The following RPRD1A variants were observed in gnomAD, a reference collection of about 807,000 sequenced individuals.
The protein encoded by RPRD1A is regulation of nuclear pre-mRNA domain-containing protein 1A.
RPRD1A carries 9 observed loss-of-function variants against 37.8 expected under a neutral mutation model. That is an observed-to-expected ratio of 0.24 (90% CI 0.14 to 0.42). The LOEUF (loss-of-function observed/expected upper bound fraction) is 0.42. RPRD1A is among the 10% of genes least tolerant of loss of function. RPRD1A has a pLI of 1.00. For synonymous variants in RPRD1A, 138 were observed against 139.7 expected, an observed-to-expected ratio of 0.99 and a Z score of 0.08; for missense variants, 255 against 371.0, an observed-to-expected ratio of 0.69 and a Z score of 2.57.
At chr18:36,043,954 CT>C (rs1912776183) in intron 1 of RPRD1A, among the ~76,000 whole-genome samples, 1 of 152,134 alleles carries the variant, frequency 6.6e-6, no homozygotes, top group African/African-American at 2.4e-5. Context: ...TGAGCAGAAA[CT>C]TTACTGATAA....
At chr18:35,998,361 T>TA (rs528598600) in intron 6 of RPRD1A, among the ~76,000 whole-genome samples, 102 of 133,362 alleles carry the variant, frequency 7.6e-4, no homozygotes, top group Admixed American at 1.0e-3. Context: ...TCTCAAAAAC[T>TA]AAAAAAAAAA....
At chr18:36,003,080 C>G (rs1047998301) in intron 6 of RPRD1A, among the ~76,000 whole-genome samples, 11 of 152,150 alleles carry the variant, frequency 7.2e-5, no homozygotes, top group African/African-American at 2.7e-4. Context: ...ATATCCCTCC[C>G]CAGCTCTGAT....
chr18:36,059,646 T>A (rs757904590), intron 1 of RPRD1A, among the ~76,000 whole-genome samples: 39 of 152,134 alleles, frequency 2.6e-4, no homozygotes, highest in South Asian at 6.2e-4. Flanking sequence ...AAATTCCTGG[T>A]CTAGAATAAG....
Position 35,992,602 on chromosome 18 carries a change from T to C in RPRD1A, c.*549A>G, listed in dbSNP as rs1471107489. 1 of 152,240 alleles carries C rather than the reference T, an allele frequency of 6.6e-6. No individual in the cohort carries two copies. Among genetic ancestry groups the C allele is most frequent in the African/African-American group, 2.4e-5 (1 of 41,436 alleles). 9.4% of individuals were successfully genotyped at this position (152,240 alleles called of 1,614,324 possible). On this transcript the variant is annotated 3_prime_UTR_variant, in exon 7 of 7. Coordinates refer to ENST00000399022, the MANE Select transcript of RPRD1A (RefSeq NM_018170.5). ...CCCTCAAAGTGACATCCCTGTTTTATGTTAAATTACCGACCTCTAAGGAAT... is the reference window on the plus strand; with the variant it reads ...CCCTCAAAGTGACATCCCTGTTTTACGTTAAATTACCGACCTCTAAGGAAT...
chr18:36,056,208 C>CT (rs1345570813), intron 1 of RPRD1A, among the ~76,000 whole-genome samples: 1 of 151,872 alleles, frequency 6.6e-6, no homozygotes, highest in Non-Finnish European at 1.5e-5. Flanking sequence ...TGTTAACAGA[C>CT]TGATTCTGGG....
intron 1 of RPRD1A, among the ~76,000 whole-genome samples, chr18:36,049,568 G>C (rs1307615299): frequency 2.6e-5 from 4 of 152,164 alleles, no homozygotes; most frequent in Non-Finnish European, 4.4e-5. Flanking sequence ...CATACAATTT[G>C]TTCTTTTGTG....
At chr18:36,005,230 G>A (rs1382678823) in intron 6 of RPRD1A, among the ~76,000 whole-genome samples, 2 of 152,104 alleles carry the variant, frequency 1.3e-5, no homozygotes, top group Non-Finnish European at 2.9e-5. Context: ...GAGCCCGGGA[G>A]GTGGAGCTTG....
At chr18:36,040,877 C>G (rs1354286839) in intron 1 of RPRD1A, 1 of 1,478,832 alleles carries the variant, frequency 6.8e-7, no homozygotes, top group African/African-American at 1.4e-5. Context: ...TAAAAGGAAG[C>G]AATTAACAAG....
intron 1 of RPRD1A, among the ~76,000 whole-genome samples, chr18:36,049,794 T>C (rs967074195): frequency 6.6e-6 from 1 of 152,196 alleles, no homozygotes; most frequent in Non-Finnish European, 1.5e-5. Context: ...GGTGTGCATA[T>C]ATCTGTTTGA....
At chr18:36,066,517 T>C (rs2089034327) in intron 1 of RPRD1A, among the ~76,000 whole-genome samples, 1 of 152,250 alleles carries the variant, frequency 6.6e-6, no homozygotes, top group Admixed American at 6.5e-5. Flanking sequence ...TTTTACAAAG[T>C]TGCTCTGCAT....
chr18:36,000,380 G>GT, intron 6 of RPRD1A, among the ~76,000 whole-genome samples: 1 of 152,206 alleles, frequency 6.6e-6, no homozygotes, highest in East Asian at 1.9e-4. Flanking sequence ...TTACTTTAAT[G>GT]TAAGTAAGTA....
At chr18:35,994,116 C>T (rs1187120060) in intron 6 of RPRD1A, among the ~76,000 whole-genome samples, 1 of 152,168 alleles carries the variant, frequency 6.6e-6, no homozygotes, top group Non-Finnish European at 1.5e-5. Flanking sequence ...TCCCACTATA[C>T]CCATCTCAGT....
intron 1 of RPRD1A, among the ~76,000 whole-genome samples, chr18:36,034,441 G>A (rs1912040157): frequency 6.6e-6 from 1 of 152,156 alleles, no homozygotes; most frequent in Admixed American, 6.5e-5. Flanking sequence ...ACTATGCTCT[G>A]TGGGTGTAGT....
At position 36,007,073 on chromosome 18, in the gene RPRD1A, C is replaced by A. The variant is rs16967327; in HGVS notation, c.790-13773G>T. ...ACTTTCAGATTTTGTTCCCTTGCCA[C>A]CCTGTGTTTTACTCTCAAAGGAAAC... On this transcript the variant is annotated intron_variant, in intron 6 of 6. Coordinates refer to ENST00000399022, the MANE Select transcript of RPRD1A (RefSeq NM_018170.5). Among the ~76,000 whole-genome samples, 59 of 152,062 alleles carry A rather than the reference C, an allele frequency of 3.9e-4. No individual in the cohort carries two copies. In the East Asian group the frequency reaches 0.01, roughly 27 times the overall value.
At chr18:35,996,715 CA>C (rs1909085407) in intron 6 of RPRD1A, among the ~76,000 whole-genome samples, 2 of 152,226 alleles carry the variant, frequency 1.3e-5, no homozygotes, top group South Asian at 4.1e-4. Flanking sequence ...CAGTGGATCA[CA>C]CCTATAATCC....
chr18:36,002,648 AC>A (rs1909495940), intron 6 of RPRD1A, among the ~76,000 whole-genome samples: 1 of 152,002 alleles, frequency 6.6e-6, no homozygotes. Flanking sequence ...TTTCTGTTAG[AC>A]CCCTTAACAT....
intron 6 of RPRD1A, among the ~76,000 whole-genome samples, chr18:36,018,342 C>T (rs1389179909): frequency 1.3e-5 from 2 of 150,714 alleles, no homozygotes; most frequent in African/African-American, 4.9e-5. Flanking sequence ...GGCGCAATCT[C>T]GGCTCACTGC....
At chr18:36,007,920 AGAGT>A (rs1424278393) in intron 6 of RPRD1A, among the ~76,000 whole-genome samples, 2 of 152,136 alleles carry the variant, frequency 1.3e-5, no homozygotes, top group African/African-American at 4.8e-5. Context: ...CCTGGGCGAC[AGAGT>A]GAGACTCCAT....
intron 1 of RPRD1A, among the ~76,000 whole-genome samples, chr18:36,055,644 G>A (rs952292826): frequency 1.4e-4 from 21 of 151,402 alleles, no homozygotes; most frequent in African/African-American, 5.1e-4. Flanking sequence ...AAATTAAAGT[G>A]ATAATTCCAG....
Sources: gnomAD v4.1 joint callset for allele counts (sites outside exome capture counted in the v4.1 genomes callset) on GRCh38, gnomAD v4.1.1 for gene constraint, MANE v1.5 for transcripts, NCBI Gene and HGNC (gene_info 2026-07-23, HGNC 2026-07-21) for gene names.